The following NKIRAS1 variants were observed in gnomAD, a reference collection of about 807,000 sequenced individuals.
The protein encoded by NKIRAS1 is NF-kappa-B inhibitor-interacting Ras-like protein 1.
NKIRAS1 carries 16 observed loss-of-function variants against 19.8 expected under a neutral mutation model. The observed-to-expected ratio is 0.81, with a 90% CI of 0.55 to 1.23. NKIRAS1 has a LOEUF of 1.23. NKIRAS1 is among the 50% of genes most tolerant of loss of function. The pLI, the probability that NKIRAS1 is intolerant of heterozygous loss-of-function variation, is 0.00. For missense variants in NKIRAS1, 184 were observed against 220.0 expected (o/e 0.84, Z 1.04); for synonymous variants, 88 against 79.0 (o/e 1.11, Z -0.61).
At chr3:23,894,634 C>CATCCTCCACCTCT (rs1559500707) in intron 4 of NKIRAS1, among the ~76,000 whole-genome samples, 3 of 152,092 alleles carry the variant, frequency 2.0e-5, no homozygotes, top group African/African-American at 4.8e-5. Flanking sequence ...TCCACCTCTG[C>CATCCTCCACCTCT]GTCCTCCACC....
chr3:23,925,290 T>A (rs987532585), intron 1 of NKIRAS1, among the ~76,000 whole-genome samples: 7 of 152,162 alleles, frequency 4.6e-5, no homozygotes, highest in Admixed American at 1.3e-4. Context: ...AGAGAGAGTA[T>A]TTTGTCACTG....
At chr3:23,907,247 G>C (rs1306898799) in intron 3 of NKIRAS1, among the ~76,000 whole-genome samples, 2 of 152,134 alleles carry the variant, frequency 1.3e-5, no homozygotes, top group Admixed American at 6.6e-5. Flanking sequence ...TTTATTGTAA[G>C]AGTACAGTAT....
upstream of NKIRAS1, chr3:23,920,013 C>T (rs1029655453): frequency 3.2e-5 from 32 of 986,528 alleles, no homozygotes; most frequent in Non-Finnish European, 3.5e-5. Flanking sequence ...GGTGAAAGCT[C>T]CTGGTTCAGT....
At chr3:23,915,252 G>A (rs960491979) in intron 1 of NKIRAS1, among the ~76,000 whole-genome samples, 2 of 152,168 alleles carry the variant, frequency 1.3e-5, no homozygotes, top group African/African-American at 4.8e-5. Flanking sequence ...TGGCTGTGAA[G>A]ATGAAGGAAG....
At chr3:23,909,238 T>C (rs1439050044) in intron 3 of NKIRAS1, among the ~76,000 whole-genome samples, 1 of 151,732 alleles carries the variant, frequency 6.6e-6, no homozygotes, top group Non-Finnish European at 1.5e-5. Flanking sequence ...AACAGAAATG[T>C]GGGCCAGGCG....
chr3:23,913,874 G>C (rs1704022096), intron 1 of NKIRAS1, among the ~76,000 whole-genome samples: 1 of 152,148 alleles, frequency 6.6e-6, no homozygotes, highest in African/African-American at 2.4e-5. Context: ...GTCACCTTTA[G>C]GTTCCTTTCA....
intron 1 of NKIRAS1, among the ~76,000 whole-genome samples, chr3:23,914,297 A>G (rs1704076125): frequency 6.6e-6 from 1 of 152,242 alleles, no homozygotes; most frequent in African/African-American, 2.4e-5. Context: ...CTGTTCTTCT[A>G]TGTAAGTGGG....
chr3:23,933,960 T>C lies in NKIRAS1; in HGVS notation c.-140+12363A>G, dbSNP rs1344852452. 2.0e-5 allele frequency among the ~76,000 whole-genome samples: 3 copies of C among 152,212 alleles called. No homozygotes were observed. In the South Asian group the frequency reaches 6.2e-4, roughly 32 times the overall value. ...CAGGACGCTTCAACATCTTTTACAA[T>C]GTGGCTAATATCATTCATGAGGGGT... On this transcript the variant is annotated intron_variant, in intron 1 of 4. Coordinates refer to the NKIRAS1 transcript ENST00000421515.
intron 1 of NKIRAS1, among the ~76,000 whole-genome samples, chr3:23,931,039 C>T (rs965666627): frequency 7.1e-6 from 1 of 141,072 alleles, no homozygotes; most frequent in African/African-American, 2.6e-5. Context: ...TATCTGGATA[C>T]AATTAGATCA....
chr3:23,921,462 A>G (rs1451074557), upstream of NKIRAS1: 1 of 621,476 alleles, frequency 1.6e-6, no homozygotes, highest in Non-Finnish European at 2.8e-6. Context: ...TTACTCCAAT[A>G]TTAAGGGTCA....
intron 4 of NKIRAS1, among the ~76,000 whole-genome samples, chr3:23,897,218 A>C (rs1365273570): frequency 6.6e-6 from 1 of 152,056 alleles, no homozygotes; most frequent in Non-Finnish European, 1.5e-5. Context: ...GAAAAAAAAA[A>C]AGGAGGAAAA....
chr3:23,898,462 A>G (rs1411359916), intron 4 of NKIRAS1, among the ~76,000 whole-genome samples: 2 of 148,878 alleles, frequency 1.3e-5, no homozygotes, highest in Admixed American at 6.7e-5. Flanking sequence ...TTTTTTTCCG[A>G]GACAGAGTCT....
chr3:23,917,822 A>G (rs368314767), upstream of NKIRAS1: 18 of 1,582,542 alleles, frequency 1.1e-5, no homozygotes, highest in South Asian at 2.3e-5. Context: ...AAAGCGGATG[A>G]TATTTAATAC....
rs963528827 is a variant in NKIRAS1, at chr3:23,922,845, C to G, written c.-139-11395G>C. On this transcript the variant is annotated intron_variant, in intron 1 of 4. Transcript: ENST00000421515. The surrounding 1 kb of genome is among the most constrained non-coding windows in gnomAD (Gnocchi z 4.2). ...ATTTTGAGACAGGGTCTCACTGTTG[C>G]CCAGGCTGGAGTGTAGTGGCGCGTT... The G allele has an allele frequency of 6.6e-6, 1 of 152,096 alleles. No individual in the cohort carries two copies. Among genetic ancestry groups the G allele is most frequent in the Admixed American group, 6.6e-5 (1 of 15,252 alleles). 9.4% of individuals were successfully genotyped at this position (152,096 alleles called of 1,614,324 possible).
intron 4 of NKIRAS1, among the ~76,000 whole-genome samples, chr3:23,894,242 C>T (rs553557528): frequency 6.6e-6 from 1 of 152,134 alleles, no homozygotes; most frequent in South Asian, 2.1e-4. Flanking sequence ...CAGATAGTGC[C>T]CGTAAAGATT....
At chr3:23,912,396 T>C (rs1348881679) in intron 1 of NKIRAS1, among the ~76,000 whole-genome samples, 1 of 152,134 alleles carries the variant, frequency 6.6e-6, no homozygotes, top group African/African-American at 2.4e-5. Flanking sequence ...GAACAGACAC[T>C]TCTCAAAAGA....
Position 23,891,919 on chromosome 3 carries a change from GTC to G in NKIRAS1, c.*1174_*1175del, listed in dbSNP as rs1374665591. On this transcript the variant is annotated 3_prime_UTR_variant, in exon 5 of 5. Transcript: ENST00000425478. The stretch of plus-strand genomic sequence containing the variant: ...GAAAAGGGTAAGGGGGTGAGTTAGT[GTC>G]TGGTAATTTTTTTTTACCAAAAAAT... The G allele has an allele frequency of 1.3e-5, 2 of 152,260 alleles. No homozygotes were observed. Among genetic ancestry groups the G allele is most frequent in the Admixed American group, 1.3e-4 (2 of 15,292 alleles). The allele number at this position is 152,260 out of a possible 1,614,324, so 9.4% of individuals were successfully genotyped here. A position where few individuals can be genotyped will look rare whatever the true frequency, so the allele number is the denominator to read the frequency against.
Position 23,927,337 on chromosome 3 carries a change from T to G in NKIRAS1, c.-139-15887A>C, listed in dbSNP as rs911166772. ...GAGTTCGAGACCAGTCCAGTCAACATAGTGAGGCCCCCATCTCTATATTTC... is the reference window on the plus strand; with the variant it reads ...GAGTTCGAGACCAGTCCAGTCAACAGAGTGAGGCCCCCATCTCTATATTTC... On this transcript the variant is annotated intron_variant, in intron 1 of 4. Transcript: ENST00000421515. The surrounding 1 kb of genome is among the most constrained non-coding windows in gnomAD (Gnocchi z 4.0). Among the ~76,000 whole-genome samples the G allele has an allele frequency of 1.3e-5, 2 of 151,988 alleles. No individual in the cohort carries two copies. The highest frequency in any genetic ancestry group is 4.8e-5 in the African/African-American group (2 of 41,402).
At chr3:23,919,912 G>A (rs1216580404), upstream of NKIRAS1, 6 of 991,548 alleles carry the variant, frequency 6.1e-6, no homozygotes, top group Non-Finnish European at 7.2e-6. Context: ...TTTGGCAGGT[G>A]TAGACTTTTT....
Sources: gnomAD v4.1 joint callset for allele counts (sites outside exome capture counted in the v4.1 genomes callset) on GRCh38, gnomAD v4.1.1 for gene constraint, Gnocchi (gnomAD v3.1) non-coding constraint, MANE v1.5 for transcripts, NCBI Gene and HGNC (gene_info 2026-07-23, HGNC 2026-07-21) for gene names.